The following BICRAL variants were observed in gnomAD, a reference collection of about 807,000 sequenced individuals.
BICRAL encodes the protein BRD4-interacting chromatin-remodeling complex-associated protein-like.
Under a neutral mutation model 91.8 loss-of-function variants are expected in BICRAL, and 8 were observed. The observed-to-expected ratio is 0.09, with a 90% confidence interval of 0.05 to 0.16. The LOEUF is 0.16. Among genes scored for constraint, BICRAL ranks in the 10% least tolerant of loss-of-function variants. The pLI is 1.00. For missense variants in BICRAL, 1,038 were observed against 1,310.9 expected (o/e 0.79, Z 3.21); for synonymous variants, 445 against 491.1 (o/e 0.91, Z 1.24).
At chr6:42,831,898 C>T (rs1764493025) in intron 6 of BICRAL, among the ~76,000 whole-genome samples, 1 of 151,882 alleles carries the variant, frequency 6.6e-6, no homozygotes, top group African/African-American at 2.4e-5. Context: ...GCCACCATGC[C>T]CAACTAATTT....
At chr6:42,800,969 A>G (rs1056614189) in intron 1 of BICRAL, among the ~76,000 whole-genome samples, 5 of 152,114 alleles carry the variant, frequency 3.3e-5, no homozygotes, top group African/African-American at 4.8e-5. Context: ...AAAGAAATAT[A>G]CGGCCAGGCA....
chr6:42,814,781 ACTAG>A (rs1763937473), intron 2 of BICRAL, among the ~76,000 whole-genome samples: 1 of 151,250 alleles, frequency 6.6e-6, no homozygotes, highest in Non-Finnish European at 1.5e-5. Flanking sequence ...TGCCTCAGCC[ACTAG>A]GCTATTATTT....
rs1562501515 is a variant in BICRAL at position 42,864,672 on chromosome 6, T to C, written c.2466T>C (p.Ala822=). The C allele has an allele frequency of 6.2e-7, 1 of 1,613,438 alleles. No homozygotes were observed. Residue 822 remains alanine (A), a synonymous_variant, in exon 13 of 13, where the codon GCT becomes GCC. Coordinates refer to ENST00000314073, the MANE Select transcript of BICRAL (RefSeq NM_001393499.1). The part of the protein sequence containing the change: ...LALVDPEGFQ[A]DFCCSFKLDK... ...TCCCATTTCCAGAGGGTTTTCAGGC[T>C]GATTTCTGTTGTTCCTTCAAACTTG... is the stretch of plus-strand genomic sequence containing the variant.
upstream of BICRAL, among the ~76,000 whole-genome samples, chr6:42,780,014 C>T (rs1165447485): frequency 6.6e-6 from 1 of 152,158 alleles, no homozygotes; most frequent in African/African-American, 2.4e-5. Flanking sequence ...AGTCGTCCTG[C>T]CTCAGCCTCC....
intron 2 of BICRAL, among the ~76,000 whole-genome samples, chr6:42,813,515 G>C (rs928907278): frequency 6.6e-6 from 1 of 152,072 alleles, no homozygotes; most frequent in African/African-American, 2.4e-5. Flanking sequence ...ACGAAGGCAA[G>C]ATAAACACTT....
chr6:42,759,469 G>T (rs1762511340), intron 1 of BICRAL, among the ~76,000 whole-genome samples: 1 of 152,210 alleles, frequency 6.6e-6, no homozygotes, highest in South Asian at 2.1e-4. Context: ...GATGATGGGA[G>T]TAAAGATAGA....
intron 6 of BICRAL, among the ~76,000 whole-genome samples, chr6:42,835,579 T>C (rs1276116509): frequency 6.6e-6 from 1 of 152,212 alleles, no homozygotes; most frequent in African/African-American, 2.4e-5. Context: ...AATTAGACTT[T>C]ACTATTGGTT....
intron 1 of BICRAL, among the ~76,000 whole-genome samples, chr6:42,759,502 G>A (rs1413677362): frequency 6.6e-6 from 1 of 152,192 alleles, no homozygotes; most frequent in Non-Finnish European, 1.5e-5. Flanking sequence ...GAGTGTCTGA[G>A]AGATTTGGAA....
intron 6 of BICRAL, among the ~76,000 whole-genome samples, chr6:42,845,183 TGTTTTTTGGGTG>T (rs1464471393): frequency 2.7e-4 from 39 of 146,462 alleles, no homozygotes; most frequent in Non-Finnish European, 4.2e-4. Context: ...CTCTGTTTTT[TGTTTTTTGGGTG>T]TTTTTTTTTT....
intron 1 of BICRAL, among the ~76,000 whole-genome samples, chr6:42,794,410 TC>T (rs1763361240): frequency 8.7e-6 from 1 of 114,876 alleles, no homozygotes; most frequent in Non-Finnish European, 1.7e-5. Context: ...ATTCACTTAC[TC>T]TGTGTGTGTG....
intron 1 of BICRAL, among the ~76,000 whole-genome samples, chr6:42,763,231 G>C (rs887852699): frequency 6.6e-6 from 1 of 152,192 alleles, no homozygotes; most frequent in African/African-American, 2.4e-5. Flanking sequence ...TTTGAAGCAA[G>C]AACAGGTTTA....
intron 2 of BICRAL, among the ~76,000 whole-genome samples, chr6:42,819,750 CTT>C (rs1764088742): frequency 6.6e-6 from 1 of 152,190 alleles, no homozygotes. Flanking sequence ...AGGGTCATCT[CTT>C]TTAATTTGAA....
chr6:42,851,907 T>G (rs1450841950), intron 6 of BICRAL, among the ~76,000 whole-genome samples, 185 bp from the exon 7 acceptor site: 1 of 152,154 alleles, frequency 6.6e-6, no homozygotes, highest in African/African-American at 2.4e-5. Flanking sequence ...GCCTGCAGAT[T>G]GTTAAAGGAT....
chr6:42,767,664 G>T (rs911542906), intron 1 of BICRAL, among the ~76,000 whole-genome samples: 1 of 152,234 alleles, frequency 6.6e-6, no homozygotes, highest in Non-Finnish European at 1.5e-5. Context: ...GTATAAAAAT[G>T]AACAAAGTGT....
rs566862616 is a variant in BICRAL at position 42,762,601 on chromosome 6, T to A, written c.-261+15578T>A. Among the ~76,000 whole-genome samples the A allele has an allele frequency of 2.8e-4, 42 of 152,330 alleles. No individual in the cohort carries two copies. The South Asian group carries it at 4.3e-3, about 16-fold the overall frequency. ...GGAGGGATGTGGTTGTGTCTCCTAT[T>A]TTTTACACCCCATAATCCCAGTTTA... is the stretch of plus-strand genomic sequence containing the variant. On this transcript the variant is annotated intron_variant, in intron 1 of 14. Coordinates refer to the BICRAL transcript ENST00000614467.
intron 1 of BICRAL, among the ~76,000 whole-genome samples, chr6:42,770,810 C>A (rs1408087740): frequency 6.6e-6 from 1 of 152,012 alleles, no homozygotes; most frequent in Non-Finnish European, 1.5e-5. Context: ...CCTGCCTCAG[C>A]CTACCGTGTA....
rs1205072175 is a variant in BICRAL, at chr6:42,766,884, CA to C, written c.-260-14949del. Reference sequence around the variant, plus strand: ...TGAAACCTCGTCTCTACTAAAAATACAAAAAATTAGCCGGGCGTGGTGGCAG... The same window carrying C: ...TGAAACCTCGTCTCTACTAAAAATACAAAAATTAGCCGGGCGTGGTGGCAG... On this transcript the variant is annotated intron_variant, in intron 1 of 14. Coordinates refer to the BICRAL transcript ENST00000614467. Among the ~76,000 whole-genome samples, 7 of 151,978 alleles carry C rather than the reference CA, an allele frequency of 4.6e-5. No homozygotes were observed. In the East Asian group the frequency reaches 1.4e-3, roughly 29 times the overall value.
In BICRAL at chr6:42,864,861, C is replaced by T. The variant is rs778966378; in HGVS notation, c.2655C>T (p.Ile885=). The change falls in exon 13 of 13, where the codon ATC becomes ATT. Residue 885 remains isoleucine (I), a synonymous_variant. Coordinates refer to ENST00000314073, the MANE Select transcript of BICRAL (RefSeq NM_001393499.1). ...AGTTTCATCTAGTGCCTAATCACAT[C>T]GTGGTCTCTGCAGAAGGAAACATTT... ...HDQFHLVPNH[I]VVSAEGNISK... 2.5e-6 allele frequency: 4 copies of T among 1,614,106 alleles called. No individual in the cohort carries two copies. Among genetic ancestry groups the T allele is most frequent in the South Asian group, 1.1e-5 (1 of 91,080 alleles).
At chr6:42,755,743 C>T (rs540624150) in intron 1 of BICRAL, among the ~76,000 whole-genome samples, 1 of 150,586 alleles carries the variant, frequency 6.6e-6, no homozygotes, top group South Asian at 2.1e-4. Context: ...GATCTCAGCT[C>T]ACTGCAACCT....
Sources: allele counts gnomAD v4.1 joint callset (sites outside exome capture counted in the v4.1 genomes callset), GRCh38; gene constraint gnomAD v4.1.1; transcripts MANE v1.5; gene names NCBI Gene and HGNC (gene_info 2026-07-23, HGNC 2026-07-21).